The following BBX variants were observed in gnomAD, a reference collection of about 807,000 sequenced individuals.
The protein encoded by BBX is HMG box transcription factor BBX.
A neutral mutation model predicts 100.2 loss-of-function variants in BBX; 30 were observed. The ratio of observed to expected loss-of-function variants is 0.30; its 90% CI spans 0.22 to 0.41. The LOEUF (loss-of-function observed/expected upper bound fraction) is 0.41, where lower values mean the gene tolerates loss of function less well. BBX is among the 10% of genes least tolerant of loss of function. The pLI is 1.00. For synonymous variants in BBX, 376 were observed against 388.1 expected, an observed-to-expected ratio of 0.97 and a Z score of 0.37; for missense variants, 1,023 against 1,129.8, an observed-to-expected ratio of 0.91 and a Z score of 1.35.
chr3:107,531,019 G>C (rs938002186), intron 2 of BBX, among the ~76,000 whole-genome samples: 4 of 152,198 alleles, frequency 2.6e-5, no homozygotes, highest in Non-Finnish European at 1.5e-5. Flanking sequence ...TTCTGGGGTG[G>C]GGCCATGGAA....
intron 7 of BBX, among the ~76,000 whole-genome samples, chr3:107,739,121 A>C (rs2063875193): frequency 6.6e-6 from 1 of 152,188 alleles, no homozygotes; most frequent in Admixed American, 6.5e-5. Context: ...TAAAATGGAA[A>C]CTTTTCACTT....
intron 3 of BBX, among the ~76,000 whole-genome samples, chr3:107,693,836 A>G (rs906755411): frequency 6.7e-6 from 1 of 149,406 alleles, no homozygotes; most frequent in Non-Finnish European, 1.5e-5. Flanking sequence ...ATGAGCATGG[A>G]ATGTTCTTCC....
At chr3:107,650,152 C>A in intron 3 of BBX, among the ~76,000 whole-genome samples, 1 of 152,196 alleles carries the variant, frequency 6.6e-6, no homozygotes, top group South Asian at 2.1e-4. Context: ...CAGGGGTCCC[C>A]GACTTCCTGG....
chr3:107,743,553 T>A (rs948323749), intron 7 of BBX, among the ~76,000 whole-genome samples: 2 of 152,214 alleles, frequency 1.3e-5, no homozygotes, highest in Non-Finnish European at 2.9e-5. Flanking sequence ...AGGTGACAAT[T>A]AAAATTTCAA....
chr3:107,712,680 G>A (rs1167086903), intron 4 of BBX, among the ~76,000 whole-genome samples: 1 of 152,050 alleles, frequency 6.6e-6, no homozygotes, highest in Non-Finnish European at 1.5e-5. Flanking sequence ...CTCTCTCCCG[G>A]CCTCTGCTCT....
intron 3 of BBX, among the ~76,000 whole-genome samples, chr3:107,663,726 A>T (rs1207558554): frequency 6.6e-6 from 1 of 151,738 alleles, no homozygotes. Flanking sequence ...TATATGTATA[A>T]TCTTTTATTG....
At position 107,587,220 on chromosome 3, in the gene BBX, C is replaced by A. The variant is rs148806952; in HGVS notation, c.-83-58616C>A. On this transcript the variant is annotated intron_variant, in intron 2 of 17. Transcript: ENST00000325805. Reference sequence around the variant, plus strand: ...TTGTGGTGGTTCATGCCAGCAATCCCAGCTACTTTGCAGCTACTTTGGTAG... The same window carrying A: ...TTGTGGTGGTTCATGCCAGCAATCCAAGCTACTTTGCAGCTACTTTGGTAG... Among the ~76,000 whole-genome samples the A allele has an allele frequency of 8.4e-3, 1,272 of 151,692 alleles. 23 individuals carry two copies. The highest frequency in any genetic ancestry group is 0.029 in the African/African-American group (1,211 of 41,376).
chr3:107,541,662 C>T (rs1035785305), intron 2 of BBX, among the ~76,000 whole-genome samples: 9 of 149,930 alleles, frequency 6.0e-5, no homozygotes, highest in Admixed American at 4.0e-4. Flanking sequence ...TTATGTTAAT[C>T]CCCCCCCCAT....
chr3:107,610,261 G>GT (rs1176602167), intron 2 of BBX, among the ~76,000 whole-genome samples: 1 of 151,974 alleles, frequency 6.6e-6, no homozygotes, highest in Non-Finnish European at 1.5e-5. Flanking sequence ...TTTAAGATTT[G>GT]TTTTTTGGCC....
chr3:107,636,726 A>G (rs1436847844), intron 2 of BBX, among the ~76,000 whole-genome samples: 1 of 152,146 alleles, frequency 6.6e-6, no homozygotes, highest in African/African-American at 2.4e-5. Context: ...GTTGGAGAAT[A>G]TTTCCTTTGC....
At chr3:107,640,953 G>A (rs571359611) in intron 2 of BBX, among the ~76,000 whole-genome samples, 5 of 152,064 alleles carry the variant, frequency 3.3e-5, no homozygotes, top group Admixed American at 6.5e-5. Context: ...ATGAGCCAGC[G>A]CACCCGGTCT....
intron 2 of BBX, among the ~76,000 whole-genome samples, chr3:107,617,042 A>G (rs532233341): frequency 6.6e-6 from 1 of 152,270 alleles, no homozygotes; most frequent in South Asian, 2.1e-4. Context: ...ATTTAAGTCC[A>G]TGACCCATTT....
rs934587839 is a variant in BBX, at chr3:107,808,513, T to C, written c.*3056T>C. The stretch of plus-strand genomic sequence containing the variant: ...TTCCAGTTTTCTTTAGCCTTTTATT[T>C]ATTTAGTTATTCTGGGTATTTCCTA... On this transcript the variant is annotated 3_prime_UTR_variant, in exon 18 of 18. Coordinates refer to ENST00000325805, the MANE Select transcript of BBX (RefSeq NM_001142568.3). 1 of 152,226 alleles carries C rather than the reference T, an allele frequency of 6.6e-6. No homozygotes were observed. The highest frequency in any genetic ancestry group is 1.5e-5 in the Non-Finnish European group (1 of 68,036). The allele number at this position is 152,226 out of a possible 1,614,324, so 9.4% of individuals were successfully genotyped here. A position where few individuals can be genotyped will look rare whatever the true frequency, so the allele number is the denominator to read the frequency against.
At chr3:107,637,912 A>T (rs1327133493) in intron 2 of BBX, among the ~76,000 whole-genome samples, 1 of 148,342 alleles carries the variant, frequency 6.7e-6, no homozygotes, top group Non-Finnish European at 1.5e-5. Flanking sequence ...CCTTTCCTTT[A>T]TTTCCTTCCT....
intron 5 of BBX, among the ~76,000 whole-genome samples, chr3:107,724,939 G>C (rs1247479038): frequency 6.6e-6 from 1 of 152,126 alleles, no homozygotes; most frequent in East Asian, 1.9e-4. Context: ...TTCCAATTCT[G>C]TGAAGAAAGG....
intron 3 of BBX, among the ~76,000 whole-genome samples, chr3:107,709,546 T>G (rs2107294981): frequency 6.6e-6 from 1 of 152,238 alleles, no homozygotes; most frequent in East Asian, 1.9e-4. Context: ...CAATGGCATT[T>G]AATTGTATTG....
chr3:107,760,628 T>A (rs2065823991), intron 10 of BBX, among the ~76,000 whole-genome samples: 1 of 152,184 alleles, frequency 6.6e-6, no homozygotes, highest in African/African-American at 2.4e-5. Flanking sequence ...ACTTGAGTGA[T>A]GAGTGACACA....
At chr3:107,776,936 A>G (rs1576757205) in intron 12 of BBX, among the ~76,000 whole-genome samples, 1 of 152,106 alleles carries the variant, frequency 6.6e-6, no homozygotes, top group African/African-American at 2.4e-5. Context: ...GGAAAATATC[A>G]CCTCCACCCG....
At chr3:107,523,741 G>C (rs1354573888) in intron 1 of BBX, 1 of 152,562 alleles carries the variant, frequency 6.6e-6, no homozygotes, top group East Asian at 1.9e-4. Context: ...GCCAGCCTTC[G>C]GTGGATTTAT....
Sources: allele counts gnomAD v4.1 joint callset (sites outside exome capture counted in the v4.1 genomes callset), GRCh38; gene constraint gnomAD v4.1.1; transcripts MANE v1.5; gene names NCBI Gene and HGNC (gene_info 2026-07-23, HGNC 2026-07-21).